FRAS1: variants seen among roughly 807,000 people sequenced by gnomAD.
FRAS1 encodes the protein extracellular matrix organizing protein FRAS1.
A neutral mutation model predicts 435.2 loss-of-function variants in FRAS1; 290 were observed. The ratio of observed to expected loss-of-function variants is 0.67; its 90% CI spans 0.61 to 0.73. The LOEUF (loss-of-function observed/expected upper bound fraction) is 0.73. Among genes scored for constraint, FRAS1 ranks in the 30% least tolerant of loss-of-function variants. The probability of loss-of-function intolerance (pLI) is 0.00; values close to 1 mark genes in which losing one functional copy is unlikely to be tolerated. For synonymous variants in FRAS1, 1,800 were observed against 1,851.0 expected, an observed-to-expected ratio of 0.97 and a Z score of 0.71; for missense variants, 4,860 against 5,001.5, an observed-to-expected ratio of 0.97 and a Z score of 0.85.
At chr4:78,480,460 A>T (rs1256229185) in intron 56 of FRAS1, among the ~76,000 whole-genome samples, 2 of 152,158 alleles carry the variant, frequency 1.3e-5, no homozygotes, top group Non-Finnish European at 2.9e-5. Flanking sequence ...TAGAGCCTAG[A>T]GCTTCATGGG....
At chr4:78,383,792 C>T (rs1732113768) in intron 27 of FRAS1, among the ~76,000 whole-genome samples, 1 of 152,108 alleles carries the variant, frequency 6.6e-6, no homozygotes, top group Non-Finnish European at 1.5e-5. Context: ...ACCCTTTATT[C>T]AGTTTAGAAA....
chr4:78,220,602 A>C (rs1328717820), intron 2 of FRAS1, among the ~76,000 whole-genome samples: 1 of 152,230 alleles, frequency 6.6e-6, no homozygotes, highest in Non-Finnish European at 1.5e-5. Context: ...TGGAAAAGGA[A>C]CCAAATGGAG....
chr4:78,331,507 C>T (rs945292927), intron 18 of FRAS1, among the ~76,000 whole-genome samples: 52 of 152,110 alleles, frequency 3.4e-4, no homozygotes, highest in Admixed American at 1.3e-4. Context: ...CCAGTACTGA[C>T]GAACCAGGAC....
In FRAS1 at chr4:78,181,349, T is replaced by C. The variant is rs577123611; in HGVS notation, c.109-56161T>C. 13 of 1,611,558 alleles carry C rather than the reference T, an allele frequency of 8.1e-6. No homozygotes were observed. The African/African-American group carries it at 1.7e-4, about 22-fold the overall frequency. On this transcript the variant is annotated intron_variant, in intron 2 of 73. Transcript: ENST00000512123. The stretch of plus-strand genomic sequence containing the variant: ...GTCAGTCACATTTGATTGATCCAAG[T>C]CAGTTAATTCGTCTTTGACAGTTCC...
At chr4:78,480,812 C>T (rs983098189) in intron 56 of FRAS1, among the ~76,000 whole-genome samples, 2 of 152,206 alleles carry the variant, frequency 1.3e-5, no homozygotes, top group Non-Finnish European at 2.9e-5. Context: ...TGGGCCAGAT[C>T]AAGGCCTTTC....
At chr4:78,301,582 T>C (rs1729758994) in intron 14 of FRAS1, among the ~76,000 whole-genome samples, 1 of 152,138 alleles carries the variant, frequency 6.6e-6, no homozygotes, top group Non-Finnish European at 1.5e-5. Context: ...GAAGGTTGAA[T>C]CTGGGACTAG....
rs930486513 is a variant in FRAS1, at chr4:78,410,378, C to G, written c.4308+2537C>G. 3.2e-4 allele frequency among the ~76,000 whole-genome samples: 48 copies of G among 149,844 alleles called. 1 individual carries two copies. The highest frequency in any genetic ancestry group is 2.5e-3 in the Admixed American group (37 of 15,074). On this transcript the variant is annotated intron_variant, in intron 31 of 73. Coordinates refer to ENST00000512123, the MANE Select transcript of FRAS1 (RefSeq NM_025074.7). ...AGTTATTTGGCACTTTCATTGAAAA[C>G]AAATTGGCCATATATGGAAAAAAAT... is the stretch of plus-strand genomic sequence containing the variant.
At chr4:78,522,522 C>G (rs1721417480) in intron 68 of FRAS1, 127 bp from the exon 69 acceptor site, 1 of 817,216 alleles carries the variant, frequency 1.2e-6, no homozygotes, top group East Asian at 2.8e-5. Context: ...GCAAAATGGG[C>G]TAAGCTTAGT....
intron 61 of FRAS1, among the ~76,000 whole-genome samples, chr4:78,506,388 A>G (rs1274573932): frequency 1.2e-4 from 18 of 152,112 alleles, no homozygotes; most frequent in Admixed American, 1.2e-3. Flanking sequence ...GGCCTTCCTG[A>G]GCTGTGGTGG....
At chr4:78,093,523 G>T (rs1354028538) in intron 2 of FRAS1, among the ~76,000 whole-genome samples, 1 of 152,162 alleles carries the variant, frequency 6.6e-6, no homozygotes, top group African/African-American at 2.4e-5. Flanking sequence ...AAGAGCAGAA[G>T]ATTTAGTTAC....
intron 18 of FRAS1, among the ~76,000 whole-genome samples, chr4:78,320,511 A>G (rs1729459798): frequency 6.6e-6 from 1 of 152,146 alleles, no homozygotes; most frequent in Non-Finnish European, 1.5e-5. Flanking sequence ...TAGGTTTGCC[A>G]GACAAGCTTC....
chr4:78,400,961 T>C, intron 30 of FRAS1, 74 bp downstream of exon 30: 1 of 1,387,764 alleles, frequency 7.2e-7, no homozygotes. Context: ...TATAGTGCCA[T>C]GTGGCAAGAT....
chr4:78,445,712 G>A lies in FRAS1; in HGVS notation c.5856G>A (p.Glu1952=). The change falls in exon 42 of 74, where the codon GAG becomes GAA. Residue 1952 remains glutamate, a splice_region_variant and synonymous_variant. Coordinates refer to ENST00000512123, the MANE Select transcript of FRAS1 (RefSeq NM_025074.7). ...SEIHSINITI[E]RKNDEPPRMT... ...TTCACAGCATCAATATCACCATTGA[G>A]GTAAAGACTTTGGAAGTTGGAAAGG... 6.2e-7 allele frequency: 1 copy of A among 1,613,742 alleles called. No individual in the cohort carries two copies. The highest frequency in any genetic ancestry group is 8.5e-7 in the Non-Finnish European group (1 of 1,179,740).
At chr4:78,430,244 T>C in intron 36 of FRAS1, 48 bp from the exon 37 acceptor site, 1 of 1,611,874 alleles carries the variant, frequency 6.2e-7, no homozygotes, top group Non-Finnish European at 8.5e-7. Context: ...GTCTATCGTC[T>C]TTAACATACG....
rs189954625 is a variant in FRAS1 at position 78,395,404 on chromosome 4, G to T, written c.3976-5330G>T. 2.0e-5 allele frequency among the ~76,000 whole-genome samples: 3 copies of T among 151,884 alleles called. No individual in the cohort carries two copies. The South Asian group carries it at 6.2e-4, about 31-fold the overall frequency. On this transcript the variant is annotated intron_variant, in intron 29 of 73. Transcript: ENST00000512123. The stretch of plus-strand genomic sequence containing the variant: ...GTTCCATAGTGTTATTCAAGTCCTC[G>T]ATTTCTTTATTGATTTTCTATCTGG...
At chr4:78,357,278 G>A (rs571306554) in intron 20 of FRAS1, among the ~76,000 whole-genome samples, 13 of 152,246 alleles carry the variant, frequency 8.5e-5, no homozygotes, top group Middle Eastern at 3.4e-3. Context: ...TCTACAGGAC[G>A]TTTGTAACAG....
intron 33 of FRAS1, among the ~76,000 whole-genome samples, chr4:78,419,513 G>T (rs368907660): frequency 6.6e-6 from 1 of 152,152 alleles, no homozygotes; most frequent in Non-Finnish European, 1.5e-5. Flanking sequence ...TTCCTTCCCC[G>T]ATTGGATACA....
chr4:78,466,541 T>A, intron 50 of FRAS1, 106 bp downstream of exon 50: 1 of 825,248 alleles, frequency 1.2e-6, no homozygotes, highest in East Asian at 2.7e-5. Flanking sequence ...GTTCTATCAG[T>A]AGCTAGTAGA....
chr4:78,498,842 T>C (rs946290267), intron 60 of FRAS1, among the ~76,000 whole-genome samples: 2 of 147,688 alleles, frequency 1.4e-5, no homozygotes, highest in Non-Finnish European at 3.0e-5. Flanking sequence ...CAATATATTA[T>C]TTTATTTATT....
Sources: allele counts gnomAD v4.1 joint callset (sites outside exome capture counted in the v4.1 genomes callset), GRCh38; gene constraint gnomAD v4.1.1; transcripts MANE v1.5; gene names NCBI Gene and HGNC (gene_info 2026-07-23, HGNC 2026-07-21).